RFC1: variants seen among roughly 807,000 people sequenced by gnomAD.
RFC1 encodes the protein A1 140 kDa subunit.
Under a neutral mutation model 137.4 loss-of-function variants are expected in RFC1, and 37 were observed. The ratio of observed to expected loss-of-function variants is 0.27; its 90% CI spans 0.21 to 0.35. The LOEUF (loss-of-function observed/expected upper bound fraction) is 0.35. RFC1 is among the 10% of genes least tolerant of loss of function. The pLI, the probability that RFC1 is intolerant of heterozygous loss-of-function variation, is 1.00. For missense variants in RFC1, 1,205 were observed against 1,358.5 expected, an observed-to-expected ratio of 0.89 and a Z score of 1.78; for synonymous variants, 429 against 455.7, an observed-to-expected ratio of 0.94 and a Z score of 0.75.
chr4:39,318,088 C>G (rs577710315), intron 9 of RFC1: 1 of 151,940 alleles, frequency 6.6e-6, no homozygotes, highest in Non-Finnish European at 1.5e-5. Flanking sequence ...ACCCAGGAGG[C>G]GGAGCTTGCA....
At chr4:39,289,083 C>T (rs1402246101) in intron 24 of RFC1, among the ~76,000 whole-genome samples, 2 of 152,164 alleles carry the variant, frequency 1.3e-5, no homozygotes, top group Admixed American at 1.3e-4. Flanking sequence ...AACTAGGATC[C>T]GTTCCCCATG....
At chr4:39,295,512 T>C (rs1737933186) in intron 22 of RFC1, 102 bp downstream of exon 22, 2 of 1,005,112 alleles carry the variant, frequency 2.0e-6, no homozygotes, top group Non-Finnish European at 2.8e-6. Flanking sequence ...ACCAATAAAA[T>C]AAAAACTAAA....
At chr4:39,299,210 G>A (rs887978540) in intron 21 of RFC1, among the ~76,000 whole-genome samples, 1 of 152,168 alleles carries the variant, frequency 6.6e-6, no homozygotes, top group African/African-American at 2.4e-5. Context: ...TTTCCCATAA[G>A]GGATACTTTC....
intron 21 of RFC1, among the ~76,000 whole-genome samples, chr4:39,299,060 C>T (rs1367524183): frequency 6.6e-6 from 1 of 152,106 alleles, no homozygotes; most frequent in Non-Finnish European, 1.5e-5. Flanking sequence ...GCAAGGAACA[C>T]CTGGCCCGCC....
intron 11 of RFC1, among the ~76,000 whole-genome samples, chr4:39,312,002 T>C (rs1053826320): frequency 7.9e-5 from 12 of 152,222 alleles, no homozygotes; most frequent in Admixed American, 2.0e-4. Context: ...GTCTTGGTTC[T>C]TCCCAACCTC....
chr4:39,359,010 T>C (rs1252679510), intron 1 of RFC1, among the ~76,000 whole-genome samples: 1 of 152,210 alleles, frequency 6.6e-6, no homozygotes, highest in African/African-American at 2.4e-5. Context: ...CTCTAACTAA[T>C]AATGTCCTCA....
Position 39,323,344 on chromosome 4 carries a change from T to C in RFC1, c.716A>G (p.Lys239Arg). ...AATAGCCCAACATTATGCCACCTTT[T>C]TGGTCTTGGGTTCTTCATCCAACAT... ...LAMLDEEPKT[K>R]KARKDTEAGE... Residue 239 changes from lysine to arginine, a missense_variant, in exon 7 of 25, where the codon AAA (lysine) becomes AGA (arginine). By Grantham distance (26) the Lys-to-Arg change is conservative. Around this residue, in one of 3 missense-constraint regions of RFC1, gnomAD observed 962 missense variants for 1,035.3 expected, o/e 0.93. Transcript: ENST00000349703. The C allele has an allele frequency of 6.2e-7, 1 of 1,613,970 alleles. No individual in the cohort carries two copies.
rs111258096 is a variant in RFC1, at chr4:39,364,121, A to G, written c.3+2118T>C. 6.5e-3 allele frequency among the ~76,000 whole-genome samples: 979 copies of G among 151,630 alleles called. 9 individuals carry two copies. Among genetic ancestry groups the G allele is most frequent in the African/African-American group, 0.022 (915 of 41,394 alleles). ...AAAAAAAGAAGAAGAAGATAGGTCA[A>G]TCCCTTAAAATGGTGTGTATATGCC... On this transcript the variant is annotated intron_variant, in intron 1 of 24. Transcript: ENST00000349703.
intron 4 of RFC1, among the ~76,000 whole-genome samples, chr4:39,337,370 G>A (rs560998188): frequency 2.9e-5 from 4 of 138,498 alleles, no homozygotes; most frequent in East Asian, 2.2e-4. Context: ...GCGAAACTCC[G>A]TCTCAAAAAA....
chr4:39,307,230 A>C (rs1390334648), intron 13 of RFC1: 4 of 157,290 alleles, frequency 2.5e-5, no homozygotes, highest in Admixed American at 6.2e-5. Flanking sequence ...AAGAAGAAAA[A>C]ATGACTTGAA....
At chr4:39,336,785 T>C (rs997925196) in intron 4 of RFC1, among the ~76,000 whole-genome samples, 2 of 152,192 alleles carry the variant, frequency 1.3e-5, no homozygotes, top group South Asian at 2.1e-4. Flanking sequence ...TACAAAACAA[T>C]AGTCATTACT....
intron 4 of RFC1, among the ~76,000 whole-genome samples, chr4:39,338,008 T>C (rs1740443578): frequency 6.6e-6 from 1 of 152,168 alleles, no homozygotes; most frequent in African/African-American, 2.4e-5. Flanking sequence ...GATGAAACCG[T>C]AATAAAAGGT....
chr4:39,292,801 C>A (rs949351839), intron 22 of RFC1, among the ~76,000 whole-genome samples: 1 of 150,688 alleles, frequency 6.6e-6, no homozygotes, highest in Non-Finnish European at 1.5e-5. Context: ...GCCACCACAC[C>A]CGGCTAATTT....
chr4:39,293,119 C>T (rs1033430574), intron 22 of RFC1, among the ~76,000 whole-genome samples: 5 of 152,166 alleles, frequency 3.3e-5, no homozygotes, highest in Non-Finnish European at 5.9e-5. Flanking sequence ...ACCCTCGCAA[C>T]TATTACCTAG....
chr4:39,338,422 A>G (rs1740459316), intron 4 of RFC1, among the ~76,000 whole-genome samples: 1 of 152,230 alleles, frequency 6.6e-6, no homozygotes, highest in African/African-American at 2.4e-5. Flanking sequence ...ACTATGCAAT[A>G]GAAGTAAAAT....
At chr4:39,302,999 C>T in intron 16 of RFC1, 61 bp downstream of exon 16, 1 of 1,492,184 alleles carries the variant, frequency 6.7e-7, no homozygotes, top group South Asian at 1.1e-5. Flanking sequence ...GAGAGAATGA[C>T]AATGTTCTAA....
chr4:39,327,262 C>A (rs1228059796), intron 5 of RFC1, among the ~76,000 whole-genome samples: 1 of 152,158 alleles, frequency 6.6e-6, no homozygotes, highest in Non-Finnish European at 1.5e-5. Flanking sequence ...ATTCTGAGAA[C>A]TCAATTTAAA....
chr4:39,323,167 T>C (rs1739604064), intron 7 of RFC1, 173 bp downstream of exon 7: 1 of 430,652 alleles, frequency 2.3e-6, no homozygotes, highest in East Asian at 3.5e-5. Flanking sequence ...GCCGTCACCC[T>C]TCTTTTAAGA....
intron 2 of RFC1, among the ~76,000 whole-genome samples, chr4:39,349,444 T>C (rs556619933): frequency 7.2e-5 from 11 of 152,240 alleles, no homozygotes; most frequent in African/African-American, 2.6e-4. Flanking sequence ...TCAATCTCTA[T>C]CTCTCTTTCT....
Sources: gnomAD v4.1 joint callset for allele counts (sites outside exome capture counted in the v4.1 genomes callset) on GRCh38, gnomAD v4.1.1 for gene constraint, gnomAD v4.1.1 regional missense constraint, MANE v1.5 for transcripts, NCBI Gene and HGNC (gene_info 2026-07-23, HGNC 2026-07-21) for gene names.